CLCN5: variants seen among roughly 807,000 people sequenced by gnomAD.
The protein encoded by CLCN5 is Cl-/H+ antiporter 5, also known as H(+)/Cl(-) exchange transporter 5.
Under a neutral mutation model 54.0 loss-of-function variants are expected in CLCN5, and 17 were observed. The observed-to-expected ratio is 0.31, with a 90% CI of 0.22 to 0.47. The LOEUF (loss-of-function observed/expected upper bound fraction) is 0.47, where lower values mean the gene tolerates loss of function less well. Ranked by LOEUF, CLCN5 falls within the 20% of genes least tolerant of loss-of-function variation. The pLI is 1.00. For missense variants in CLCN5, 448 were observed against 646.7 expected, an observed-to-expected ratio of 0.69 and a Z score of 3.33; for synonymous variants, 222 against 233.0, an observed-to-expected ratio of 0.95 and a Z score of 0.43.
intron 3 of CLCN5, among the ~76,000 whole-genome samples, chrX:49,929,705 AAATTGTGAT>A (rs1925538762): frequency 9.0e-6 from 1 of 110,805 alleles, no homozygotes; most frequent in Admixed American, 9.6e-5. Flanking sequence ...CCATTCCCCC[AAATTGTGAT>A]TCAGTCTTAA....
chrX:50,054,027 C>CT (rs1425716416), intron 4 of CLCN5, among the ~76,000 whole-genome samples: 1 of 110,785 alleles, frequency 9.0e-6, no homozygotes, highest in East Asian at 2.8e-4. Flanking sequence ...TCTTGCAGCT[C>CT]TTTCAACTGT....
chrX:50,049,363 G>C (rs1346635329), intron 4 of CLCN5, among the ~76,000 whole-genome samples: 1 of 111,706 alleles, frequency 9.0e-6, no homozygotes, highest in Non-Finnish European at 1.9e-5. Context: ...TAGTAGGCTA[G>C]ACCATCTAGG....
At chrX:50,058,068 G>A (rs1932793940) in intron 4 of CLCN5, among the ~76,000 whole-genome samples, 1 of 111,697 alleles carries the variant, frequency 9.0e-6, no homozygotes, top group Non-Finnish European at 1.9e-5. Context: ...GCATAATGTT[G>A]AATTTTTTGT....
At chrX:49,978,653 A>G (rs1928593290) in intron 3 of CLCN5, among the ~76,000 whole-genome samples, 1 of 112,769 alleles carries the variant, frequency 8.9e-6, no homozygotes, top group African/African-American at 3.2e-5. Flanking sequence ...TGATTTTTTT[A>G]AAAAACATGT....
chrX:50,045,163 G>A (rs1932353747), intron 4 of CLCN5, among the ~76,000 whole-genome samples: 1 of 111,284 alleles, frequency 9.0e-6, no homozygotes, highest in Admixed American at 9.6e-5. Flanking sequence ...CAGTATAAAA[G>A]CCACAGGTTA....
chrX:50,090,063 G>A, intron 12 of CLCN5, 53 bp from the exon 13 acceptor site: 1 of 1,172,238 alleles, frequency 8.5e-7, no homozygotes, highest in South Asian at 1.8e-5. Context: ...GCCCATAATT[G>A]TAAGAATCCT....
chrX:49,994,509 G>C (rs1291614733), intron 3 of CLCN5, among the ~76,000 whole-genome samples: 1 of 107,072 alleles, frequency 9.3e-6, no homozygotes, highest in Non-Finnish European at 1.9e-5. Flanking sequence ...TCTTATGTCA[G>C]ATGCCAAAAG....
chrX:50,004,040 T>C (rs1464440715), intron 3 of CLCN5, among the ~76,000 whole-genome samples: 2 of 112,317 alleles, frequency 1.8e-5, no homozygotes, highest in African/African-American at 6.5e-5. Flanking sequence ...GCCATGCCTT[T>C]CCATATGCAC....
At chrX:50,022,652 G>A (rs1455529844) in intron 3 of CLCN5, among the ~76,000 whole-genome samples, 11 of 81,799 alleles carry the variant, frequency 1.3e-4, no homozygotes, top group African/African-American at 1.9e-4. Context: ...CTTTGAATGC[G>A]TCCCAGAGAT....
At chrX:49,996,761 T>G (rs1422539180) in intron 3 of CLCN5, among the ~76,000 whole-genome samples, 1 of 112,043 alleles carries the variant, frequency 8.9e-6, no homozygotes, top group African/African-American at 3.2e-5. Context: ...CCTAAGAGGT[T>G]GCTCACCACA....
At chrX:50,082,532 C>T (rs895253709) in intron 9 of CLCN5, among the ~76,000 whole-genome samples, 6 of 110,242 alleles carry the variant, frequency 5.4e-5, no homozygotes, top group Admixed American at 9.7e-5. Flanking sequence ...AGGCTAGTCT[C>T]GAACTCCTGC....
At chrX:49,977,783 C>T (rs1410957137) in intron 3 of CLCN5, among the ~76,000 whole-genome samples, 2 of 111,868 alleles carry the variant, frequency 1.8e-5, no homozygotes, top group African/African-American at 3.3e-5. Flanking sequence ...GAAGCCCAGG[C>T]TGTACACAGG....
At chrX:50,080,189 GATGTGAAGCCAAGGTTCAGCC>G (rs1557192842) in intron 7 of CLCN5, among the ~76,000 whole-genome samples, 11 of 111,657 alleles carry the variant, frequency 9.9e-5, no homozygotes. Context: ...CTTCACTTCA[GATGTGAAGCCAAGGTTCAGCC>G]ATTCCAAAAA....
intron 3 of CLCN5, among the ~76,000 whole-genome samples, chrX:49,986,627 T>A: frequency 8.9e-6 from 1 of 112,064 alleles, no homozygotes; most frequent in Admixed American, 9.5e-5. Context: ...AACTTTCAGA[T>A]GATTAAGAGT....
At chrX:50,048,010 G>A (rs376656032) in intron 4 of CLCN5, among the ~76,000 whole-genome samples, 113 of 112,006 alleles carry the variant, frequency 1.0e-3, no homozygotes, top group African/African-American at 3.3e-3. Context: ...GGAAGTCACT[G>A]CGTAGAACAG....
intron 3 of CLCN5, among the ~76,000 whole-genome samples, chrX:49,975,340 A>C: frequency 8.9e-6 from 1 of 112,010 alleles, no homozygotes; most frequent in Non-Finnish European, 1.9e-5. Flanking sequence ...CATAGCTTAC[A>C]GTACAGGTGG....
chrX:49,973,270 G>A (rs1928310055), intron 3 of CLCN5, among the ~76,000 whole-genome samples: 1 of 111,284 alleles, frequency 9.0e-6, no homozygotes. Context: ...ACAAGATAAT[G>A]GAATATAGGA....
At position 50,093,407 on chromosome X, in the gene CLCN5, G is replaced by A. The variant is rs182398750; in HGVS notation, c.*1188G>A. 4.1e-4 allele frequency: 46 copies of A among 112,143 alleles called. 1 individual carries two copies. Among genetic ancestry groups the A allele is most frequent in the Admixed American group, 3.9e-3 (41 of 10,559 alleles). 9.2% of individuals were successfully genotyped at this position (112,143 alleles called of 1,213,427 possible). A position where few individuals can be genotyped will look rare whatever the true frequency, so the allele number is the denominator to read the frequency against. On this transcript the variant is annotated 3_prime_UTR_variant, in exon 15 of 15. Transcript: ENST00000376091. ...AAATATATTCAAGGTGTTGGAACAG[G>A]ATAGGCAGCTGTGACTCCCTCAAGA...
At chrX:50,075,454 A>G (rs1367891659) in intron 6 of CLCN5, among the ~76,000 whole-genome samples, 5 of 111,240 alleles carry the variant, frequency 4.5e-5, no homozygotes, top group Non-Finnish European at 9.4e-5. Flanking sequence ...TTTATGGATC[A>G]GTATTCATAA....
Sources: gnomAD v4.1 joint callset for allele counts (sites outside exome capture counted in the v4.1 genomes callset) on GRCh38, gnomAD v4.1.1 for gene constraint, MANE v1.5 for transcripts, NCBI Gene and HGNC (gene_info 2026-07-23, HGNC 2026-07-21) for gene names.